The following BAZ2B variants were observed in gnomAD, a reference collection of about 807,000 sequenced individuals.
The protein encoded by BAZ2B is bromodomain adjacent to zinc finger domain 2B.
Under a neutral mutation model 246.0 loss-of-function variants are expected in BAZ2B, and 91 were observed. The ratio of observed to expected loss-of-function variants is 0.37; its 90% CI spans 0.31 to 0.44. BAZ2B has a LOEUF of 0.44. BAZ2B is among the 20% of genes least tolerant of loss of function. BAZ2B has a pLI of 1.00. For missense variants in BAZ2B, 2,332 were observed against 2,533.7 expected (o/e 0.92, Z 1.71); for synonymous variants, 855 against 860.0 (o/e 0.99, Z 0.10).
intron 1 of BAZ2B, among the ~76,000 whole-genome samples, chr2:159,603,046 G>A (rs940219996): frequency 6.6e-6 from 1 of 152,052 alleles, no homozygotes; most frequent in African/African-American, 2.4e-5. Context: ...CTGAGGCAGG[G>A]GAATTGCTCG....
the BAZ2B span, among the ~76,000 whole-genome samples, chr2:159,698,394 A>T: frequency 0.071 from 10,734 of 151,338 alleles, 481 homozygotes; most frequent in East Asian, 0.14. Context: ...GGTAGCGTGC[A>T]CCTATGGTCC....
chr2:159,672,898 T>C, the BAZ2B span, among the ~76,000 whole-genome samples: 7 of 152,104 alleles, frequency 4.6e-5, no homozygotes, highest in African/African-American at 7.2e-5. Flanking sequence ...AAGTATGAAA[T>C]GATACAAAGA....
intron 1 of BAZ2B, among the ~76,000 whole-genome samples, chr2:159,590,592 AAAATAAAT>A (rs137935771): frequency 6.6e-6 from 1 of 151,004 alleles, no homozygotes; most frequent in African/African-American, 2.4e-5. Context: ...ACTCCGACTC[AAAATAAAT>A]AAATAAATAA....
At chr2:159,450,614 CA>C (rs1203545365) in intron 4 of BAZ2B, among the ~76,000 whole-genome samples, 2 of 151,936 alleles carry the variant, frequency 1.3e-5, no homozygotes, top group African/African-American at 2.4e-5. Context: ...GGAAAATAAA[CA>C]AAATTTAGTC....
chr2:159,448,335 G>A lies in BAZ2B; in HGVS notation c.409C>T (p.Pro137Ser). The change falls in exon 5 of 37, where the codon CCA (proline) becomes TCA (serine). Residue 137 changes from proline (P) to serine (S), a missense_variant. Coordinates refer to ENST00000392783, the MANE Select transcript of BAZ2B (RefSeq NM_013450.4). Reference sequence around the variant, plus strand: ...TGGGCTGGGGGAGCAAATAGTGGTGGAATTCCCAGTAATGGTGGAAAGAAG... The same window carrying A: ...TGGGCTGGGGGAGCAAATAGTGGTGAAATTCCCAGTAATGGTGGAAAGAAG... ...ATFFPPLLGI[P>S]PLFAPPAQNH... 6.2e-7 allele frequency: 1 copy of A among 1,613,454 alleles called. No individual in the cohort carries two copies. Among genetic ancestry groups the A allele is most frequent in the East Asian group, 2.2e-5 (1 of 44,850 alleles).
chr2:159,455,998 T>C (rs558821590), intron 3 of BAZ2B, among the ~76,000 whole-genome samples: 8 of 152,066 alleles, frequency 5.3e-5, no homozygotes, highest in South Asian at 2.1e-4. Context: ...GGTAAGCAAG[T>C]TGAACTGAAC....
At chr2:159,515,210 T>C (rs1195980411) in intron 2 of BAZ2B, among the ~76,000 whole-genome samples, 3 of 152,002 alleles carry the variant, frequency 2.0e-5, no homozygotes, top group Admixed American at 1.3e-4. Context: ...CACTTATATG[T>C]CCATAATACA....
intron 1 of BAZ2B, among the ~76,000 whole-genome samples, chr2:159,609,274 A>C (rs1694192409): frequency 1.3e-5 from 2 of 151,966 alleles, no homozygotes; most frequent in Admixed American, 1.3e-4. Context: ...AGCAAAAGAG[A>C]CTCCTTATTA....
intron 27 of BAZ2B, among the ~76,000 whole-genome samples, chr2:159,355,967 G>A (rs139351437): frequency 2.6e-5 from 4 of 152,324 alleles, no homozygotes; most frequent in East Asian, 1.9e-4. Context: ...CAGATACTAC[G>A]CTTTTCCCAC....
Position 159,382,659 on chromosome 2 carries a change from T to C in BAZ2B, c.3905A>G (p.Asp1302Gly). 1 of 1,601,458 alleles carries C rather than the reference T, an allele frequency of 6.2e-7. No individual in the cohort carries two copies. The highest frequency in any genetic ancestry group is 1.3e-5 in the African/African-American group (1 of 74,814). The part of the protein sequence containing the change: ...RKGGDSDYDD[D>G]DDDDSDDQGD... ...TTGGTCATCACTGTCATCGTCATCA[T>C]CATCGTCATAATCACTGTCTCCTCC... The change falls in exon 25 of 37, where the codon GAT (aspartate) becomes GGT (glycine). Residue 1302 changes from aspartate to glycine, a missense_variant. Asp to Gly is a moderately conservative substitution (Grantham distance 94, BLOSUM62 -1). Coordinates refer to ENST00000392783, the MANE Select transcript of BAZ2B (RefSeq NM_013450.4).
the BAZ2B span, among the ~76,000 whole-genome samples, chr2:159,702,170 T>C: frequency 6.6e-6 from 1 of 152,234 alleles, no homozygotes; most frequent in East Asian, 1.9e-4. Flanking sequence ...CTAAGCAAGA[T>C]GTAAAAGCTT....
At chr2:159,535,898 T>G (rs1466791812) in intron 2 of BAZ2B, among the ~76,000 whole-genome samples, 1 of 152,238 alleles carries the variant, frequency 6.6e-6, no homozygotes, top group African/African-American at 2.4e-5. Context: ...CATATCTGTG[T>G]GGCAAAGGTT....
At chr2:159,609,101 C>G (rs1180386173) in intron 1 of BAZ2B, among the ~76,000 whole-genome samples, 1 of 152,176 alleles carries the variant, frequency 6.6e-6, no homozygotes, top group Non-Finnish European at 1.5e-5. Flanking sequence ...TTTTCTCCTC[C>G]CACCCTTCTC....
intron 3 of BAZ2B, chr2:159,459,156 A>G (rs760884832): frequency 4.3e-4 from 65 of 152,172 alleles, no homozygotes; most frequent in Admixed American, 3.7e-3. Flanking sequence ...TTCATTGTTC[A>G]TGATAGATTA....
chr2:159,502,729 T>C (rs2081973339), intron 2 of BAZ2B, among the ~76,000 whole-genome samples: 1 of 152,216 alleles, frequency 6.6e-6, no homozygotes, highest in African/African-American at 2.4e-5. Context: ...TCAATATTCT[T>C]GATTCTAGAC....
chr2:159,438,221 T>A, intron 8 of BAZ2B, 82 bp downstream of exon 8: 1 of 1,273,432 alleles, frequency 7.9e-7, no homozygotes, highest in Non-Finnish European at 1.1e-6. Flanking sequence ...GAATTTAACT[T>A]AAACTTGTGT....
At chr2:159,596,745 A>G (rs1200465931) in intron 1 of BAZ2B, among the ~76,000 whole-genome samples, 2 of 152,156 alleles carry the variant, frequency 1.3e-5, no homozygotes, top group Non-Finnish European at 2.9e-5. Context: ...GCATCCTCGT[A>G]TCATAACTTA....
At chr2:159,436,488 C>T (rs2072341417) in intron 8 of BAZ2B, among the ~76,000 whole-genome samples, 1 of 152,152 alleles carries the variant, frequency 6.6e-6, no homozygotes, top group South Asian at 2.1e-4. Context: ...GTGGCTCACG[C>T]CTGTAATCCC....
At position 159,470,665 on chromosome 2, in the gene BAZ2B, T is replaced by C. The variant is rs11884042; in HGVS notation, c.145+7910A>G. Among the ~76,000 whole-genome samples, 873 of 152,230 alleles carry C rather than the reference T, an allele frequency of 5.7e-3. 7 individuals are homozygous for C. Among genetic ancestry groups the C allele is most frequent in the African/African-American group, 0.02 (824 of 41,554 alleles). Reference sequence around the variant, plus strand: ...AGAAGTGTACAGACTCAAGCTTTATTTTGAAGGTAGAATCAACAGACTTTA... The same window carrying C: ...AGAAGTGTACAGACTCAAGCTTTATCTTGAAGGTAGAATCAACAGACTTTA... On this transcript the variant is annotated intron_variant, in intron 3 of 36. Transcript: ENST00000392783.
Sources: gnomAD v4.1 joint callset for allele counts (sites outside exome capture counted in the v4.1 genomes callset) on GRCh38, gnomAD v4.1.1 for gene constraint, MANE v1.5 for transcripts, NCBI Gene and HGNC (gene_info 2026-07-23, HGNC 2026-07-21) for gene names.